Variants in WSB2 observed in about 807,000 individuals in gnomAD.
WSB2 encodes WD repeat and SOCS box containing 2.
In WSB2, 12 loss-of-function variants were observed where a neutral mutation model predicts 48.8. That is an observed-to-expected ratio of 0.25 (90% confidence interval 0.16 to 0.40). The LOEUF (loss-of-function observed/expected upper bound fraction) is 0.40. WSB2 is among the 10% of genes least tolerant of loss of function. WSB2 has a pLI of 1.00. For missense variants in WSB2, 317 were observed against 506.2 expected (o/e 0.63, Z 3.59); for synonymous variants, 191 against 203.1 (o/e 0.94, Z 0.51).
chr12:118,034,409 T>G, intron 8 of WSB2, 51 bp from the exon 9 acceptor site: 1 of 1,597,734 alleles, frequency 6.3e-7, no homozygotes, highest in Non-Finnish European at 8.6e-7. Context: ...TGTTCATGTT[T>G]TCATGAGGAT....
rs989691954 is a variant in WSB2 at position 118,043,205 on chromosome 12, G to A, written c.355C>T (p.Pro119Ser). ...GCAAGAACCAGGCAAGAGACATCGG[G>A]CACTTGGGGGTGGTGGCGTGCCCAG... ...KLWARHHPQV[P>S]DVSCLVLATG... The change falls in exon 3 of 9, where the codon CCC becomes TCC. Residue 119 changes from proline to serine, a missense_variant. Around this residue, in one of 2 missense-constraint regions of WSB2, gnomAD observed 128 missense variants for 156.7 expected, o/e 0.82. Transcript: ENST00000315436. 2.5e-6 allele frequency: 4 copies of A among 1,614,248 alleles called. No homozygotes were observed. Among genetic ancestry groups the A allele is most frequent in the Admixed American group, 1.7e-5 (1 of 60,026 alleles).
At chr12:118,039,310 G>A (rs779194145) in intron 4 of WSB2, among the ~76,000 whole-genome samples, 11 of 152,094 alleles carry the variant, frequency 7.2e-5, no homozygotes, top group Non-Finnish European at 1.3e-4. Context: ...AAAAAAGCCC[G>A]TCCATATAGA....
Position 118,039,707 on chromosome 12 carries a change from G to A in WSB2, c.560-1319C>T, listed in dbSNP as rs1004243654. ...TATATGAATTTATTTAAGTTTATGC[G>A]GATGTATGGATCCACAAAAATTAAT... is the stretch of plus-strand genomic sequence containing the variant. On this transcript the variant is annotated intron_variant, in intron 4 of 8. Coordinates refer to ENST00000315436, the MANE Select transcript of WSB2 (RefSeq NM_018639.5). Among the ~76,000 whole-genome samples the A allele has an allele frequency of 3.3e-5, 5 of 151,886 alleles. No homozygotes were observed. The East Asian group carries it at 5.8e-4, about 18-fold the overall frequency.
chr12:118,040,885 T>TA (rs2031622244), intron 4 of WSB2, among the ~76,000 whole-genome samples: 1 of 152,118 alleles, frequency 6.6e-6, no homozygotes, highest in African/African-American at 2.4e-5. Context: ...CTGTCTCTAC[T>TA]AAAAATACAA....
chr12:118,034,270 G>A lies in WSB2; in HGVS notation c.1141C>T (p.Leu381=), dbSNP rs1235336646. The A allele has an allele frequency of 1.2e-6, 2 of 1,614,188 alleles. No homozygotes were observed. Among genetic ancestry groups the A allele is most frequent in the Non-Finnish European group, 8.5e-7 (1 of 1,180,030 alleles). Residue 381 remains leucine, a synonymous_variant, in exon 9 of 9, where the codon CTA becomes TTA. Transcript: ENST00000315436. ...AGTGCTAGGACTTGGTAAGTTGTTA[G>A]GAAACTTCGAAGGGCTTTCCGGCAT... is the stretch of plus-strand genomic sequence containing the variant. ...HLCRKALRSF[L]TTYQVLALPI... is the part of the protein sequence containing the mutation.
At position 118,043,392 on chromosome 12, in the gene WSB2, G is replaced by T. The variant is rs752281745; in HGVS notation, c.183-15C>A. The T allele has an allele frequency of 8.5e-6, 13 of 1,526,094 alleles. No homozygotes were observed. The highest frequency in any genetic ancestry group is 1.1e-5 in the Non-Finnish European group (13 of 1,140,060). The allele number at this position is 1,526,094 out of a possible 1,614,324, so 94.5% of individuals were successfully genotyped here. On this transcript the variant is annotated splice_polypyrimidine_tract_variant and intron_variant, in intron 2 of 8. Transcript: ENST00000315436. ...CTTTAGGGATGCTGGGAGAAGCAGAGATTTCTTAATGAATCTGCAATTGTT... is the reference window on the plus strand; with the variant it reads ...CTTTAGGGATGCTGGGAGAAGCAGATATTTCTTAATGAATCTGCAATTGTT...
chr12:118,035,044 G>A lies in WSB2; in HGVS notation c.994C>T (p.Pro332Ser), dbSNP rs759983078. The A allele has an allele frequency of 4.3e-6, 7 of 1,614,062 alleles. No individual in the cohort carries two copies. The South Asian group carries it at 4.4e-5, about 10-fold the overall frequency. The change falls in exon 8 of 9, where the codon CCT (proline) becomes TCT (serine). Residue 332 changes from proline (P) to serine (S), a missense_variant. Transcript: ENST00000315436. ...GTGCAGCAAAGCCCATTGGTCATAG[G>A]AGCAAATGCAATGGGAGTTTTCAGT... ...LELKTPIAFA[P>S]MTNGLCCTFF...
chr12:118,045,181 G>A (rs1453875103), intron 2 of WSB2, among the ~76,000 whole-genome samples: 2 of 151,394 alleles, frequency 1.3e-5, no homozygotes, highest in Admixed American at 6.6e-5. Flanking sequence ...TCGAGACCAC[G>A]GTGAAACCCC....
chr12:118,042,398 A>G, intron 4 of WSB2: 1 of 169,782 alleles, frequency 5.9e-6, no homozygotes, highest in South Asian at 1.3e-4. Flanking sequence ...TGCACAGGAG[A>G]GCCCACGACA....
At chr12:118,035,475 A>G in intron 6 of WSB2, 151 bp from the exon 7 acceptor site, 2 of 656,028 alleles carry the variant, frequency 3.0e-6, no homozygotes, top group South Asian at 3.8e-5. Flanking sequence ...GGATTTGCAC[A>G]CTGGGAAAAA....
At position 118,033,276 on chromosome 12, in the gene WSB2, C is replaced by T. The variant is rs989131930; in HGVS notation, c.*920G>A. 6.6e-6 allele frequency: 1 copy of T among 152,460 alleles called. No homozygotes were observed. Among genetic ancestry groups the T allele is most frequent in the Non-Finnish European group, 1.5e-5 (1 of 68,032 alleles). The allele number at this position is 152,460 out of a possible 1,614,324, so 9.4% of individuals were successfully genotyped here. ...TTAAACAGCAGAGACAGATCTCGTA[C>T]ATAAGAGTATCAGCTAAAGTCATGA... On this transcript the variant is annotated 3_prime_UTR_variant, in exon 9 of 9. Coordinates refer to ENST00000315436, the MANE Select transcript of WSB2 (RefSeq NM_018639.5).
intron 3 of WSB2, 70 bp from the exon 4 acceptor site, chr12:118,043,042 C>G (rs2031671432): frequency 6.2e-7 from 1 of 1,613,346 alleles, no homozygotes; most frequent in Non-Finnish European, 8.5e-7. Context: ...CGGCCACACC[C>G]CTTGGCCAAC....
chr12:118,049,562 T>A (rs2031809201), intron 2 of WSB2, among the ~76,000 whole-genome samples: 1 of 152,060 alleles, frequency 6.6e-6, no homozygotes, highest in South Asian at 2.1e-4. Flanking sequence ...CCACCACACC[T>A]GGCTAACTTT....
chr12:118,037,124 G>A (rs1210244639), intron 5 of WSB2, among the ~76,000 whole-genome samples: 2 of 152,158 alleles, frequency 1.3e-5, no homozygotes, highest in African/African-American at 2.4e-5. Flanking sequence ...GGAGGTTGCA[G>A]TGACCTGAGA....
chr12:118,042,138 G>A (rs1593465824), intron 4 of WSB2, among the ~76,000 whole-genome samples: 1 of 152,156 alleles, frequency 6.6e-6, no homozygotes, highest in East Asian at 1.9e-4. Context: ...TAGTTTGCTC[G>A]AGGCAGAATT....
At chr12:118,036,900 G>C (rs942066723) in intron 5 of WSB2, among the ~76,000 whole-genome samples, 1 of 152,168 alleles carries the variant, frequency 6.6e-6, no homozygotes, top group African/African-American at 2.4e-5. Context: ...AAATGTCAGC[G>C]GCCAGGCACG....
At chr12:118,039,205 G>C (rs1284447793) in intron 4 of WSB2, among the ~76,000 whole-genome samples, 5 of 152,188 alleles carry the variant, frequency 3.3e-5, no homozygotes, top group African/African-American at 1.2e-4. Context: ...ACATTCTAGA[G>C]TCAGACAGCT....
chr12:118,039,674 TG>T (rs2031586999), intron 4 of WSB2, among the ~76,000 whole-genome samples: 1 of 152,126 alleles, frequency 6.6e-6, no homozygotes, highest in African/African-American at 2.4e-5. Context: ...CGCCTGTACA[TG>T]GTCATATATA....
At position 118,033,782 on chromosome 12, in the gene WSB2, G is replaced by T. The variant is rs2031433753; in HGVS notation, c.*414C>A. 5.8e-6 allele frequency: 1 copy of T among 173,512 alleles called. No homozygotes were observed. Among genetic ancestry groups the T allele is most frequent in the Admixed American group, 5.8e-5 (1 of 17,366 alleles). The allele number at this position is 173,512 out of a possible 1,614,324, so 10.7% of individuals were successfully genotyped here. On this transcript the variant is annotated 3_prime_UTR_variant, in exon 9 of 9. Coordinates refer to ENST00000315436, the MANE Select transcript of WSB2 (RefSeq NM_018639.5). ...GCTACCACTGCATCAGAAACACAAG[G>T]ATAGGTACTAGGCAGAAGCCATCGT...
Sources: gnomAD v4.1 joint callset for allele counts (sites outside exome capture counted in the v4.1 genomes callset) on GRCh38, gnomAD v4.1.1 for gene constraint, gnomAD v4.1.1 regional missense constraint, MANE v1.5 for transcripts, NCBI Gene and HGNC (gene_info 2026-07-23, HGNC 2026-07-21) for gene names.